ZNF320: variants seen among roughly 807,000 people sequenced by gnomAD.
ZNF320 encodes zinc finger protein 320.
Under a neutral mutation model 6.8 loss-of-function variants are expected in ZNF320, and 2 were observed. The observed-to-expected ratio is 0.29, with a 90% confidence interval of 0.12 to 0.93. The LOEUF is 0.93. Among genes scored for constraint, ZNF320 ranks in the 40% least tolerant of loss-of-function variants. The pLI is 0.55. For missense variants in ZNF320, 472 were observed against 611.0 expected (o/e 0.77, Z 2.40); for synonymous variants, 208 against 203.2 (o/e 1.02, Z -0.20).
At chr19:52,865,470 T>TA (rs1414636050) in intron 5 of ZNF320, 507 of 40,194 alleles carry the variant, frequency 0.013, 14 homozygotes, top group African/African-American at 0.052. Context: ...TATATATATA[T>TA]TACATATATA....
chr19:52,862,837 A>G, exon 6 of ZNF320: 1 of 361,370 alleles, frequency 2.8e-6, no homozygotes, highest in South Asian at 2.6e-5. Flanking sequence ...TTACATTTGT[A>G]AGGTTTCTCT....
At position 52,890,306 on chromosome 19, in the gene ZNF320, C is replaced by A; in HGVS notation, c.-51G>T. 6.3e-7 allele frequency: 1 copy of A among 1,594,818 alleles called. No individual in the cohort carries two copies. Among genetic ancestry groups the A allele is most frequent in the South Asian group, 1.1e-5 (1 of 90,836 alleles). On this transcript the variant is annotated 5_prime_UTR_variant, in exon 4 of 6. Coordinates refer to ENST00000682928, the MANE Select transcript of ZNF320 (RefSeq NM_001351774.2). ...CTCTTCTGGGTTTCTTCCTCAGGTACCAAGAGTCTTTAGAAGTCAATCCTA... is the reference window on the plus strand; with the variant it reads ...CTCTTCTGGGTTTCTTCCTCAGGTAACAAGAGTCTTTAGAAGTCAATCCTA...
intron 2 of ZNF320, chr19:52,893,421 C>CA (rs1568730501): frequency 6.6e-6 from 1 of 151,876 alleles, no homozygotes; most frequent in African/African-American, 2.4e-5. Flanking sequence ...GAGGGTGAGG[C>CA]GGTGGATCAT....
chr19:52,860,159 G>A (rs1206051195), downstream of ZNF320, among the ~76,000 whole-genome samples: 3 of 152,104 alleles, frequency 2.0e-5, no homozygotes, highest in African/African-American at 7.2e-5. Flanking sequence ...TGATGCTCCC[G>A]CCTCGGCCTC....
intron 1 of ZNF320, chr19:52,894,936 A>G (rs1374914344): frequency 6.6e-6 from 1 of 152,370 alleles, no homozygotes; most frequent in Admixed American, 6.6e-5. Flanking sequence ...AAAGAGAGGC[A>G]ATGGTAGTCA....
chr19:52,876,296 T>C lies in ZNF320; in HGVS notation c.*4300A>G, dbSNP rs2063765310. 6.6e-6 allele frequency: 1 copy of C among 152,158 alleles called. No individual in the cohort carries two copies. The highest frequency in any genetic ancestry group is 2.1e-4 in the South Asian group (1 of 4,828). 9.4% of individuals were successfully genotyped at this position (152,158 alleles called of 1,614,324 possible). On this transcript the variant is annotated 3_prime_UTR_variant, in exon 6 of 6. Transcript: ENST00000682928. The stretch of plus-strand genomic sequence containing the variant: ...GGTACTAGAAAATGTTTCCAATGTA[T>C]GATACAGACTAGAAAGCATGCAGTC...
rs184516596 is a variant in ZNF320, at chr19:52,868,035, A to G, written c.224-3876T>C. ...GCTGGGATTAGAGGTGTGAGCCACC[A>G]TGGCCAGCCAGTCTACGCCGTTTCT... On this transcript the variant is annotated intron_variant, in intron 5 of 5. Coordinates refer to the ZNF320 transcript ENST00000673631. 5.6e-3 allele frequency among the ~76,000 whole-genome samples: 806 copies of G among 144,548 alleles called. 9 individuals carry two copies. Among genetic ancestry groups the G allele is most frequent in the African/African-American group, 0.018 (688 of 37,990 alleles). 94.8% of individuals were successfully genotyped at this position (144,548 alleles called of 152,430 possible).
rs1187140099 is a variant in ZNF320, at chr19:52,877,523, G to A, written c.*3073C>T. 1 of 152,134 alleles carries A rather than the reference G, an allele frequency of 6.6e-6. No homozygotes were observed. The highest frequency in any genetic ancestry group is 6.5e-5 in the Admixed American group (1 of 15,276). 9.4% of individuals were successfully genotyped at this position (152,134 alleles called of 1,614,324 possible). ...TTTGACTCAGGTGTGCAGAGGGATG[G>A]GCTCTTTCCCACATCTGTGAAGATA... On this transcript the variant is annotated 3_prime_UTR_variant, in exon 6 of 6. Transcript: ENST00000682928.
At chr19:52,891,853 G>T (rs1303777511) in intron 2 of ZNF320, among the ~76,000 whole-genome samples, 1 of 152,184 alleles carries the variant, frequency 6.6e-6, no homozygotes, top group Non-Finnish European at 1.5e-5. Flanking sequence ...GAGAAGGTGT[G>T]TCTGAATTCT....
chr19:52,894,006 G>A (rs1452141997), intron 1 of ZNF320, 150 bp from the exon 2 acceptor site: 1 of 152,156 alleles, frequency 6.6e-6, no homozygotes, highest in Non-Finnish European at 1.5e-5. Context: ...GAACTACACA[G>A]AAACTCTCGG....
At chr19:52,898,895 C>T (rs934373076), upstream of ZNF320, among the ~76,000 whole-genome samples, 3 of 152,224 alleles carry the variant, frequency 2.0e-5, no homozygotes, top group Non-Finnish European at 4.4e-5. Context: ...TGGTTTCGGG[C>T]CTGGCCCCGG....
chr19:52,864,120 A>C, exon 6 of ZNF320: 1 of 330,802 alleles, frequency 3.0e-6, no homozygotes, highest in Middle Eastern at 4.5e-4. Context: ...CACTCCAGCA[A>C]AGAGAACTCT....
At chr19:52,898,728 A>C (rs2064543262), upstream of ZNF320, among the ~76,000 whole-genome samples, 1 of 152,244 alleles carries the variant, frequency 6.6e-6, no homozygotes, top group African/African-American at 2.4e-5. Context: ...GCGGTACGTG[A>C]CAGGGGATGC....
rs116141607 is a variant in ZNF320 at position 52,864,200 on chromosome 19, G to A, written c.224-41C>T. 1.0e-3 allele frequency: 204 copies of A among 204,506 alleles called. 1 individual carries two copies. Among genetic ancestry groups the A allele is most frequent in the African/African-American group, 4.3e-3 (184 of 42,700 alleles). 12.7% of individuals were successfully genotyped at this position (204,506 alleles called of 1,614,324 possible). A position where few individuals can be genotyped will look rare whatever the true frequency, so the allele number is the denominator to read the frequency against. On this transcript the variant is annotated intron_variant, in intron 5 of 5. Coordinates refer to the ZNF320 transcript ENST00000673631. ...CGTTTAAATAAAACATTATGGAGGC[G>A]TTATCACCTTCACACGAAATGAGAA... is the stretch of plus-strand genomic sequence containing the variant.
exon 6 of ZNF320, chr19:52,862,172 C>A: frequency 2.3e-6 from 1 of 432,000 alleles, no homozygotes; most frequent in South Asian, 1.8e-5. Context: ...ACAATCATTG[C>A]ATTAGTAAAC....
rs2063915262 is a variant in ZNF320 at position 52,881,416 on chromosome 19, C to G, written c.710G>C (p.Arg237Thr). The change falls in exon 6 of 6, where the codon AGA becomes ACA. Residue 237 changes from arginine (R) to threonine (T), a missense_variant. Physicochemically the swap from Arg to Thr is moderately conservative, Grantham distance 71. This residue lies in a region of ZNF320 where 462 missense variants were observed against 559.7 expected (regional missense o/e 0.83). Coordinates refer to ENST00000682928, the MANE Select transcript of ZNF320 (RefSeq NM_001351774.2). ...ATAAGGTTTCTCTCCAGTATGACTT[C>G]TATGATGACATGCAAGGGTTGCTTT... ...DQKATLACHH[R>T]SHTGEKPYKC... 3.7e-6 allele frequency: 6 copies of G among 1,613,836 alleles called. No homozygotes were observed. Among genetic ancestry groups the G allele is most frequent in the Middle Eastern group, 1.6e-4 (1 of 6,084 alleles).
chr19:52,883,106 A>C (rs868097745), intron 5 of ZNF320, among the ~76,000 whole-genome samples: 4 of 151,948 alleles, frequency 2.6e-5, no homozygotes, highest in Middle Eastern at 3.4e-3. Context: ...CAATGGCATA[A>C]TCTTGGTTCA....
downstream of ZNF320, among the ~76,000 whole-genome samples, chr19:52,871,320 ACTCT>A (rs2063677355): frequency 6.6e-6 from 1 of 150,978 alleles, no homozygotes; most frequent in African/African-American, 2.4e-5. Context: ...ATTTTCTCCC[ACTCT>A]CTCTCCAACA....
At chr19:52,896,242 A>C (rs1233604074) in intron 1 of ZNF320, among the ~76,000 whole-genome samples, 1 of 151,954 alleles carries the variant, frequency 6.6e-6, no homozygotes, top group Non-Finnish European at 1.5e-5. Flanking sequence ...CAGGCGCCCG[A>C]CATCACACCT....
Sources: gnomAD v4.1 joint callset for allele counts (sites outside exome capture counted in the v4.1 genomes callset) on GRCh38, gnomAD v4.1.1 for gene constraint, gnomAD v4.1.1 regional missense constraint, MANE v1.5 for transcripts, NCBI Gene and HGNC (gene_info 2026-07-23, HGNC 2026-07-21) for gene names.